The following ESRRG variants were observed in gnomAD, a reference collection of about 807,000 sequenced individuals.
The protein encoded by ESRRG is estrogen related receptor gamma.
ESRRG carries 13 observed loss-of-function variants against 44.0 expected under a neutral mutation model. The observed-to-expected ratio is 0.30, with a 90% CI of 0.19 to 0.47. The LOEUF is 0.47. ESRRG is among the 20% of genes least tolerant of loss of function. ESRRG has a pLI of 1.00. For synonymous variants in ESRRG, 215 were observed against 214.6 expected, an observed-to-expected ratio of 1.00 and a Z score of -0.02; for missense variants, 395 against 580.6, an observed-to-expected ratio of 0.68 and a Z score of 3.29.
chr1:216,523,911 T>C (rs146492378), intron 5 of ESRRG, among the ~76,000 whole-genome samples: 14 of 151,860 alleles, frequency 9.2e-5, no homozygotes, highest in Admixed American at 9.2e-4. Flanking sequence ...AATTATGCCA[T>C]AATGACTCAC....
intron 5 of ESRRG, among the ~76,000 whole-genome samples, chr1:216,562,449 C>A (rs1018193049): frequency 1.3e-5 from 2 of 152,008 alleles, no homozygotes; most frequent in African/African-American, 2.4e-5. Flanking sequence ...AATAATAATA[C>A]CTGATTCCTG....
intron 1 of ESRRG, among the ~76,000 whole-genome samples, chr1:216,705,020 A>G (rs1044574729): frequency 1.3e-5 from 2 of 152,178 alleles, no homozygotes; most frequent in African/African-American, 4.8e-5. Context: ...GTAAGTCTTT[A>G]AAAATAGTAT....
At chr1:216,620,704 T>C (rs1202521642) in intron 3 of ESRRG, among the ~76,000 whole-genome samples, 7 of 152,186 alleles carry the variant, frequency 4.6e-5, no homozygotes, top group African/African-American at 1.7e-4. Context: ...TTAAGACATA[T>C]TTTATTTGAC....
At chr1:216,778,240 T>G (rs978533938) in intron 2 of ESRRG, among the ~76,000 whole-genome samples, 1 of 151,906 alleles carries the variant, frequency 6.6e-6, no homozygotes, top group African/African-American at 2.4e-5. Flanking sequence ...TTAAGTGCAA[T>G]GCAGTGGATC....
chr1:216,672,117 G>GA (rs1354208926), intron 2 of ESRRG, among the ~76,000 whole-genome samples: 1 of 151,548 alleles, frequency 6.6e-6, no homozygotes, highest in Non-Finnish European at 1.5e-5. Context: ...ATTGGAATTG[G>GA]AAAAAAAATC....
chr1:217,134,343 G>A (rs2093017028), intron 1 of ESRRG, among the ~76,000 whole-genome samples: 1 of 152,174 alleles, frequency 6.6e-6, no homozygotes. Context: ...GCCAAAAGGG[G>A]ACTCTAACTG....
At chr1:216,765,706 A>T (rs796920098) in intron 2 of ESRRG, among the ~76,000 whole-genome samples, 17 of 152,232 alleles carry the variant, frequency 1.1e-4, no homozygotes, top group African/African-American at 3.6e-4. Flanking sequence ...GTAGTCAGAC[A>T]CTAAGGGATC....
chr1:216,676,907 G>A (rs756187005), intron 2 of ESRRG, among the ~76,000 whole-genome samples, 169 bp downstream of exon 2: 29 of 151,938 alleles, frequency 1.9e-4, no homozygotes, highest in Admixed American at 8.5e-4. Flanking sequence ...ATATCTGGGG[G>A]GATTTTATTC....
chr1:216,687,015 A>G (rs1302704828), intron 1 of ESRRG, among the ~76,000 whole-genome samples: 1 of 142,494 alleles, frequency 7.0e-6, no homozygotes, highest in Non-Finnish European at 1.5e-5. Flanking sequence ...ATTCAGGGAC[A>G]TGGCAGGGCC....
intron 2 of ESRRG, among the ~76,000 whole-genome samples, chr1:216,860,823 TA>T (rs1214877358): frequency 3.3e-5 from 5 of 152,128 alleles, no homozygotes; most frequent in Admixed American, 2.6e-4. Flanking sequence ...AAATGGTAAC[TA>T]GGTGAGTTAA....
chr1:216,678,558 G>A (rs1220481226), intron 1 of ESRRG, among the ~76,000 whole-genome samples: 1 of 152,130 alleles, frequency 6.6e-6, no homozygotes, highest in Non-Finnish European at 1.5e-5. Context: ...CTCTTATCTA[G>A]AAGAAACACT....
chr1:216,643,104 C>T (rs1350512599), intron 3 of ESRRG, among the ~76,000 whole-genome samples: 1 of 152,154 alleles, frequency 6.6e-6, no homozygotes, highest in Non-Finnish European at 1.5e-5. Context: ...ATATATAAAT[C>T]AAGACTCAAG....
chr1:217,114,155 T>C (rs559651964), intron 1 of ESRRG, among the ~76,000 whole-genome samples: 1 of 152,248 alleles, frequency 6.6e-6, no homozygotes, highest in South Asian at 2.1e-4. Flanking sequence ...GTTTGATATA[T>C]GAAACTTTAA....
chr1:216,683,375 A>T (rs547867948), intron 1 of ESRRG, among the ~76,000 whole-genome samples: 1 of 152,316 alleles, frequency 6.6e-6, no homozygotes, highest in Non-Finnish European at 1.5e-5. Context: ...ATCTAATAGA[A>T]TGGATTTCTG....
intron 1 of ESRRG, among the ~76,000 whole-genome samples, chr1:217,104,466 T>C (rs2092562221): frequency 6.6e-6 from 1 of 152,322 alleles, no homozygotes; most frequent in East Asian, 1.9e-4. Context: ...CGAGTGGCCT[T>C]GGGTAATTCA....
chr1:217,007,245 T>C lies in ESRRG; in HGVS notation c.-105-67572A>G, dbSNP rs2077874015. ...TAAGATGTGAATGTGACTTCTCAAT[T>C]TTCCTGAAAATTATGTGGGTCAAGG... On this transcript the variant is annotated intron_variant, in intron 1 of 7. Coordinates refer to the ESRRG transcript ENST00000359162. Among the ~76,000 whole-genome samples, 5 of 152,156 alleles carry C rather than the reference T, an allele frequency of 3.3e-5. No individual in the cohort carries two copies. The South Asian group carries it at 1.0e-3, about 32-fold the overall frequency.
intron 2 of ESRRG, among the ~76,000 whole-genome samples, chr1:216,903,372 T>C (rs1226529371): frequency 1.3e-5 from 2 of 152,076 alleles, no homozygotes; most frequent in East Asian, 3.9e-4. Flanking sequence ...GAGAGCCGTG[T>C]GTGTTTGTGT....
intron 1 of ESRRG, among the ~76,000 whole-genome samples, chr1:216,994,984 T>C (rs555958542): frequency 6.6e-6 from 1 of 152,342 alleles, no homozygotes; most frequent in South Asian, 2.1e-4. Flanking sequence ...AAGCCAGCTT[T>C]GCTGTTTACT....
chr1:216,649,039 T>G (rs781522680), intron 3 of ESRRG, among the ~76,000 whole-genome samples: 44 of 152,234 alleles, frequency 2.9e-4, no homozygotes, highest in Non-Finnish European at 4.7e-4. Context: ...GATAAAGAGC[T>G]CCACTTCACA....
Sources: allele counts gnomAD v4.1 joint callset (sites outside exome capture counted in the v4.1 genomes callset), GRCh38; gene constraint gnomAD v4.1.1; transcripts MANE v1.5; gene names NCBI Gene and HGNC (gene_info 2026-07-23, HGNC 2026-07-21).